SLC7A1: variants seen among roughly 807,000 people sequenced by gnomAD.
The protein encoded by SLC7A1 is high affinity cationic amino acid transporter 1.
A neutral mutation model predicts 53.9 loss-of-function variants in SLC7A1; 10 were observed. The ratio of observed to expected loss-of-function variants is 0.19; its 90% CI spans 0.11 to 0.31. The LOEUF is 0.31. Ranked by LOEUF, SLC7A1 falls within the 10% of genes least tolerant of loss-of-function variation. SLC7A1 has a pLI of 1.00. For missense variants in SLC7A1, 525 were observed against 827.2 expected, an observed-to-expected ratio of 0.63 and a Z score of 4.48; for synonymous variants, 342 against 338.7, an observed-to-expected ratio of 1.01 and a Z score of -0.11.
intron 4 of SLC7A1, among the ~76,000 whole-genome samples, chr13:29,530,949 T>C (rs1242048575): frequency 6.6e-6 from 1 of 152,006 alleles, no homozygotes; most frequent in African/African-American, 2.4e-5. Flanking sequence ...GACCTCCAGA[T>C]ACCCTTGGGA....
chr13:29,541,084 G>A (rs116280182), intron 2 of SLC7A1, among the ~76,000 whole-genome samples: 308 of 152,220 alleles, frequency 2.0e-3, no homozygotes, highest in African/African-American at 6.9e-3. Flanking sequence ...TGCTGGCCAC[G>A]ATGAGAGAGG....
chr13:29,524,648 G>A (rs1018314692), intron 5 of SLC7A1, among the ~76,000 whole-genome samples: 122 of 152,252 alleles, frequency 8.0e-4, no homozygotes, highest in African/African-American at 2.8e-3. Context: ...GTCCTACCCC[G>A]GGTCCCATAT....
At chr13:29,569,282 G>A (rs1871097014) in intron 1 of SLC7A1, among the ~76,000 whole-genome samples, 1 of 152,180 alleles carries the variant, frequency 6.6e-6, no homozygotes, top group South Asian at 2.1e-4. Context: ...ACCAAGCCAG[G>A]TGCAGCCTCA....
chr13:29,562,709 C>A (rs1250429339), intron 1 of SLC7A1, among the ~76,000 whole-genome samples: 4 of 152,144 alleles, frequency 2.6e-5, no homozygotes, highest in Non-Finnish European at 5.9e-5. Flanking sequence ...TTATTTGGAA[C>A]CTATACCAGT....
chr13:29,541,249 G>A (rs941881109), intron 2 of SLC7A1, among the ~76,000 whole-genome samples: 1 of 152,210 alleles, frequency 6.6e-6, no homozygotes, highest in African/African-American at 2.4e-5. Context: ...ACTAAGGATG[G>A]AGACGGAAGG....
chr13:29,562,366 G>A (rs1870795819), intron 1 of SLC7A1, among the ~76,000 whole-genome samples: 1 of 152,176 alleles, frequency 6.6e-6, no homozygotes, highest in Admixed American at 6.5e-5. Flanking sequence ...CACAGGTTGG[G>A]TGTCTCTGAT....
chr13:29,526,223 G>T (rs1229739815), intron 5 of SLC7A1, among the ~76,000 whole-genome samples: 7 of 152,204 alleles, frequency 4.6e-5, no homozygotes, highest in South Asian at 2.1e-4. Context: ...TGCCCACTAT[G>T]GGAGGCCGAG....
At position 29,523,268 on chromosome 13, in the gene SLC7A1, G is replaced by A. The variant is rs751637491; in HGVS notation, c.1047C>T (p.Ala349=). ...VAVGSLCALS[A]SLLGSMFPMP... ...GCCACCACAGAAAGGCCTCTCACCT[G>A]GCGGAAAGAGCGCAGAGGGAGCCCA... Residue 349 remains alanine, a splice_region_variant and synonymous_variant, in exon 7 of 13, where the codon GCC becomes GCT. Coordinates refer to ENST00000380752, the MANE Select transcript of SLC7A1 (RefSeq NM_003045.5). 1 of 1,612,562 alleles carries A rather than the reference G, an allele frequency of 6.2e-7. No individual in the cohort carries two copies. The highest frequency in any genetic ancestry group is 8.5e-7 in the Non-Finnish European group (1 of 1,179,674).
intron 1 of SLC7A1, among the ~76,000 whole-genome samples, chr13:29,594,255 A>C (rs897085660): frequency 2.0e-5 from 3 of 152,294 alleles, no homozygotes; most frequent in African/African-American, 4.8e-5. Context: ...GTCGAATGTA[A>C]GTAAGATAAA....
chr13:29,554,020 A>T (rs1870319886), intron 1 of SLC7A1, among the ~76,000 whole-genome samples, 160 bp from the exon 2 acceptor site: 1 of 152,096 alleles, frequency 6.6e-6, no homozygotes, highest in African/African-American at 2.4e-5. Flanking sequence ...AAAGGGGCCC[A>T]CCATGGGGCA....
intron 1 of SLC7A1, among the ~76,000 whole-genome samples, chr13:29,555,670 AG>A (rs1252341644): frequency 6.6e-6 from 1 of 150,702 alleles, no homozygotes; most frequent in Admixed American, 6.6e-5. Flanking sequence ...GGAAAAAAAA[AG>A]GGGGGGCGGG....
chr13:29,531,722 T>C (rs772785679), intron 4 of SLC7A1, among the ~76,000 whole-genome samples: 3 of 152,048 alleles, frequency 2.0e-5, no homozygotes, highest in Non-Finnish European at 4.4e-5. Flanking sequence ...TAATCGCAGC[T>C]ACTGGGGAGG....
At chr13:29,565,237 G>A (rs745799494) in intron 1 of SLC7A1, among the ~76,000 whole-genome samples, 6 of 152,234 alleles carry the variant, frequency 3.9e-5, no homozygotes, top group Admixed American at 6.5e-5. Flanking sequence ...CCAGTGAGGA[G>A]GTGACTATGT....
At chr13:29,579,418 T>C (rs959950296) in intron 1 of SLC7A1, among the ~76,000 whole-genome samples, 1 of 151,868 alleles carries the variant, frequency 6.6e-6, no homozygotes, top group African/African-American at 2.4e-5. Flanking sequence ...TGGAATGCAG[T>C]GTTGCAATCT....
intron 2 of SLC7A1, among the ~76,000 whole-genome samples, chr13:29,551,138 T>C (rs544484916): frequency 6.6e-6 from 1 of 152,328 alleles, no homozygotes; most frequent in Admixed American, 6.5e-5. Context: ...ATGGGAGCTA[T>C]AAAGATGAGA....
chr13:29,518,467 G>T (rs1259582077), intron 9 of SLC7A1, among the ~76,000 whole-genome samples: 1 of 152,176 alleles, frequency 6.6e-6, no homozygotes, highest in Non-Finnish European at 1.5e-5. Context: ...AGTTCTGTAT[G>T]AATTATTTTG....
chr13:29,534,783 C>T (rs1869332409), intron 3 of SLC7A1, among the ~76,000 whole-genome samples: 2 of 137,068 alleles, frequency 1.5e-5, no homozygotes, highest in African/African-American at 2.7e-5. Flanking sequence ...ACTGTTTTTT[C>T]GCTATTACCA....
At chr13:29,539,092 A>T (rs1337666203) in intron 2 of SLC7A1, among the ~76,000 whole-genome samples, 1 of 152,158 alleles carries the variant, frequency 6.6e-6, no homozygotes, top group Non-Finnish European at 1.5e-5. Flanking sequence ...AGGATAACAT[A>T]ACCTAAGCGC....
chr13:29,563,665 A>G (rs115352715), intron 1 of SLC7A1, among the ~76,000 whole-genome samples: 287 of 152,320 alleles, frequency 1.9e-3, no homozygotes, highest in African/African-American at 6.8e-3. Context: ...TTCGCCCTGC[A>G]GGCAGCATGG....
Sources: allele counts gnomAD v4.1 joint callset (sites outside exome capture counted in the v4.1 genomes callset), GRCh38; gene constraint gnomAD v4.1.1; transcripts MANE v1.5; gene names NCBI Gene and HGNC (gene_info 2026-07-23, HGNC 2026-07-21).